The following TMEM87B variants were observed in gnomAD, a reference collection of about 807,000 sequenced individuals.
TMEM87B encodes the protein transmembrane protein 87B.
Under a neutral mutation model 80.3 loss-of-function variants are expected in TMEM87B, and 83 were observed. The ratio of observed to expected loss-of-function variants is 1.03; its 90% confidence interval spans 0.87 to 1.24. TMEM87B has a LOEUF of 1.24. Ranked by LOEUF, TMEM87B falls within the 50% of genes most tolerant of loss-of-function variation. The pLI is 0.00. For missense variants in TMEM87B, 625 were observed against 674.4 expected, an observed-to-expected ratio of 0.93 and a Z score of 0.81; for synonymous variants, 219 against 230.5, an observed-to-expected ratio of 0.95 and a Z score of 0.45.
intron 15 of TMEM87B, among the ~76,000 whole-genome samples, chr2:112,104,532 C>T (rs1679713763): frequency 6.6e-6 from 1 of 152,096 alleles, no homozygotes; most frequent in Admixed American, 6.6e-5. Flanking sequence ...CACACATCTG[C>T]TAGAATGGTT....
intron 18 of TMEM87B, among the ~76,000 whole-genome samples, chr2:112,115,720 A>G (rs1456107750): frequency 6.6e-6 from 1 of 152,222 alleles, no homozygotes; most frequent in Non-Finnish European, 1.5e-5. Context: ...TCTAGCTAGC[A>G]GGAAGTTGAA....
intron 1 of TMEM87B, among the ~76,000 whole-genome samples, chr2:112,057,009 C>G (rs1678093261): frequency 6.6e-6 from 1 of 152,208 alleles, no homozygotes; most frequent in African/African-American, 2.4e-5. Context: ...CTGTATAGAT[C>G]TTTGCTAAGT....
chr2:112,056,739 G>T (rs1678081231), intron 1 of TMEM87B, among the ~76,000 whole-genome samples: 2 of 152,196 alleles, frequency 1.3e-5, no homozygotes, highest in Non-Finnish European at 2.9e-5. Flanking sequence ...GCTACTCAGA[G>T]GAACACGCTG....
chr2:112,090,617 G>A (rs898350657), intron 10 of TMEM87B, among the ~76,000 whole-genome samples: 1 of 152,164 alleles, frequency 6.6e-6, no homozygotes, highest in African/African-American at 2.4e-5. Flanking sequence ...TGTAGAGACA[G>A]GGTCTCACTA....
intron 6 of TMEM87B, 143 bp from the exon 7 acceptor site, chr2:112,080,914 A>G: frequency 3.0e-6 from 2 of 656,490 alleles, no homozygotes; most frequent in Non-Finnish European, 5.3e-6. Flanking sequence ...ACAAATACTA[A>G]TTGTCCAATA....
chr2:112,058,935 A>G (rs183535413), intron 1 of TMEM87B, among the ~76,000 whole-genome samples: 17 of 152,362 alleles, frequency 1.1e-4, no homozygotes, highest in African/African-American at 4.1e-4. Flanking sequence ...CCTCCAGCCA[A>G]GGTGGACAAT....
At chr2:112,058,123 G>A (rs1431846734) in intron 1 of TMEM87B, among the ~76,000 whole-genome samples, 1 of 152,146 alleles carries the variant, frequency 6.6e-6, no homozygotes, top group African/African-American at 2.4e-5. Flanking sequence ...CACCGCACTC[G>A]GCCTCAGTCT....
At chr2:112,071,297 TC>T (rs1226766125) in intron 4 of TMEM87B, among the ~76,000 whole-genome samples, 12 of 122,220 alleles carry the variant, frequency 9.8e-5, no homozygotes, top group African/African-American at 1.9e-4. Flanking sequence ...TGCTAGTGAT[TC>T]CCCCCCCGCC....
At chr2:112,099,499 G>A (rs116265317) in intron 14 of TMEM87B, among the ~76,000 whole-genome samples, 4,765 of 142,462 alleles carry the variant, frequency 0.033, 266 homozygotes, top group African/African-American at 0.12. Flanking sequence ...TGTTTCTCCT[G>A]TCCTTTTTAA....
chr2:112,115,512 A>G (rs1466756506), intron 18 of TMEM87B, among the ~76,000 whole-genome samples: 1 of 152,270 alleles, frequency 6.6e-6, no homozygotes, highest in Non-Finnish European at 1.5e-5. Flanking sequence ...TGTAGATTAA[A>G]AGTACTTTAA....
Position 112,097,057 on chromosome 2 carries a change from T to G in TMEM87B, c.1118T>G (p.Leu373Trp). The change falls in exon 12 of 19, where the codon TTG becomes TGG. Residue 373 changes from leucine to tryptophan, a missense_variant. By Grantham distance (61) the Leu-to-Trp change is moderately conservative. Transcript: ENST00000283206. Reference protein sequence around the residue: ...SIFVWFIFISLAQTMKTLRLR... With the variant: ...SIFVWFIFISWAQTMKTLRLR... ...AACTTTTTTCACATTTTTATTAGTT[T>G]GGCACAAACTATGAAGACCCTAAGG... 1 of 1,590,384 alleles carries G rather than the reference T, an allele frequency of 6.3e-7. No individual in the cohort carries two copies. The highest frequency in any genetic ancestry group is 8.5e-7 in the Non-Finnish European group (1 of 1,172,468).
intron 5 of TMEM87B, 126 bp from the exon 6 acceptor site, chr2:112,077,066 T>TA (rs1332283301): frequency 1.1e-5 from 5 of 465,932 alleles, no homozygotes; most frequent in Middle Eastern, 6.1e-4. Flanking sequence ...AGGAAAAAAT[T>TA]AAAAAATAGA....
chr2:112,107,666 T>C (rs1008947572), intron 16 of TMEM87B, 122 bp from the exon 17 acceptor site: 74 of 460,818 alleles, frequency 1.6e-4, no homozygotes, highest in Non-Finnish European at 2.1e-4. Flanking sequence ...TTAGGACATA[T>C]GTAGAAACTA....
chr2:112,064,391 G>A, intron 3 of TMEM87B, 138 bp downstream of exon 3: 1 of 673,554 alleles, frequency 1.5e-6, no homozygotes, highest in Non-Finnish European at 2.5e-6. Flanking sequence ...TGGGACTTAT[G>A]GCAATAAACC....
Position 112,081,535 on chromosome 2 carries a change from T to G in TMEM87B, c.838+17T>G, listed in dbSNP as rs1473479412. 1.3e-6 allele frequency: 2 copies of G among 1,590,604 alleles called. No individual in the cohort carries two copies. Among genetic ancestry groups the G allele is most frequent in the East Asian group, 4.5e-5 (2 of 44,802 alleles). Reference sequence around the variant, plus strand: ...GACTGTCAAGTAAGTTTTGACTGTCTCTGTAAATATAGTATGATCTAAGAG... The same window carrying G: ...GACTGTCAAGTAAGTTTTGACTGTCGCTGTAAATATAGTATGATCTAAGAG... On this transcript the variant is annotated intron_variant, in intron 8 of 18. Transcript: ENST00000283206.
intron 4 of TMEM87B, among the ~76,000 whole-genome samples, chr2:112,073,050 C>G (rs1678704564): frequency 6.6e-6 from 1 of 151,882 alleles, no homozygotes; most frequent in African/African-American, 2.4e-5. Flanking sequence ...CAGGCACCCA[C>G]CACCACACCC....
chr2:112,066,500 A>C (rs1269597581), intron 3 of TMEM87B, among the ~76,000 whole-genome samples: 1 of 152,146 alleles, frequency 6.6e-6, no homozygotes, highest in Non-Finnish European at 1.5e-5. Flanking sequence ...TGTGTAAATG[A>C]GCGTCTCCTC....
rs1237639715 is a variant in TMEM87B, at chr2:112,075,061, A to G, written c.501+99A>G. On this transcript the variant is annotated intron_variant, in intron 5 of 18. Transcript: ENST00000283206. ...AGATACTTAGAGAGTGATATAAAGTAGGGTTATTAGAACTGTGGAAGGAAA... is the reference window on the plus strand; with the variant it reads ...AGATACTTAGAGAGTGATATAAAGTGGGGTTATTAGAACTGTGGAAGGAAA... 3 of 1,450,734 alleles carry G rather than the reference A, an allele frequency of 2.1e-6. No homozygotes were observed. The Admixed American group carries it at 8.1e-5, about 39-fold the overall frequency. 89.9% of individuals were successfully genotyped at this position (1,450,734 alleles called of 1,614,324 possible). A position where few individuals can be genotyped will look rare whatever the true frequency, so the allele number is the denominator to read the frequency against.
chr2:112,070,931 C>T (rs1678606749), intron 4 of TMEM87B, among the ~76,000 whole-genome samples: 1 of 151,700 alleles, frequency 6.6e-6, no homozygotes, highest in Non-Finnish European at 1.5e-5. Flanking sequence ...ATGCCATTCT[C>T]CTGCCTCAGC....
Sources: allele counts gnomAD v4.1 joint callset (sites outside exome capture counted in the v4.1 genomes callset), GRCh38; gene constraint gnomAD v4.1.1; transcripts MANE v1.5; gene names NCBI Gene and HGNC (gene_info 2026-07-23, HGNC 2026-07-21).